Variants in MYH11 observed in about 807,000 individuals in gnomAD.
MYH11 encodes myosin-11.
Under a neutral mutation model 246.6 loss-of-function variants are expected in MYH11, and 80 were observed. The observed-to-expected ratio is 0.32, with a 90% CI of 0.27 to 0.39. MYH11 has a LOEUF of 0.39. Among genes scored for constraint, MYH11 ranks in the 10% least tolerant of loss-of-function variants. MYH11 has a pLI of 1.00. For synonymous variants in MYH11, 1,071 were observed against 1,015.5 expected (o/e 1.05, Z -1.04); for missense variants, 2,158 against 2,546.8 (o/e 0.85, Z 3.29).
rs1567724489 is a variant in MYH11 at position 15,748,038 on chromosome 16, G to C, written c.2180+9C>G. 1 of 1,614,202 alleles carries C rather than the reference G, an allele frequency of 6.2e-7. No homozygotes were observed. ...CCCTGCCCTACCTGGGCCAGACCTT[G>C]GGACTTACCGTTGGCGGAACTCCTG... On this transcript the variant is annotated intron_variant, in intron 17 of 40. Coordinates refer to ENST00000300036, the MANE Select transcript of MYH11 (RefSeq NM_002474.3).
chr16:15,847,919 G>T (rs1396576046), intron 1 of MYH11, among the ~76,000 whole-genome samples: 1 of 152,132 alleles, frequency 6.6e-6, no homozygotes, highest in Non-Finnish European at 1.5e-5. Context: ...GGCTGGGGTG[G>T]AGCTGCGGAG....
At chr16:15,786,152 C>T in intron 5 of MYH11, 1 of 324,834 alleles carries the variant, frequency 3.1e-6, no homozygotes, top group Non-Finnish European at 6.0e-6. Context: ...GCTTCTCAAT[C>T]AAGGGCAACT....
chr16:15,796,970 T>C (rs192454105), intron 4 of MYH11, among the ~76,000 whole-genome samples: 2 of 152,316 alleles, frequency 1.3e-5, no homozygotes, highest in Non-Finnish European at 2.9e-5. Context: ...TACCATGGAA[T>C]ATGAGAATTC....
chr16:15,727,018 C>G lies in MYH11; in HGVS notation c.3688G>C (p.Glu1230Gln), dbSNP rs141948303. The G allele has an allele frequency of 6.2e-7, 1 of 1,612,004 alleles. No individual in the cohort carries two copies. The highest frequency in any genetic ancestry group is 1.3e-5 in the African/African-American group (1 of 74,954). Reference sequence around the variant, plus strand: ...CCGGCCAGGTCTGCGTTCTCTTTCTCCAGCGTCTGCTTATTCTTGTCTAGG... The same window carrying G: ...CCGGCCAGGTCTGCGTTCTCTTTCTGCAGCGTCTGCTTATTCTTGTCTAGG... ...ANLDKNKQTL[E>Q]KENADLAGEL... Residue 1230 changes from glutamate to glutamine, a missense_variant, in exon 28 of 41, where the codon GAG (glutamate) becomes CAG (glutamine). Physicochemically the swap from Glu to Gln is conservative, Grantham distance 29. This residue lies in a region of MYH11 where 1,013 missense variants were observed against 993.5 expected (regional missense o/e 1.02). Coordinates refer to ENST00000300036, the MANE Select transcript of MYH11 (RefSeq NM_002474.3).
intron 1 of MYH11, among the ~76,000 whole-genome samples, chr16:15,853,155 C>CT (rs1006677870): frequency 6.6e-6 from 1 of 151,696 alleles, no homozygotes; most frequent in African/African-American, 2.4e-5. Context: ...TGCCCCTCAC[C>CT]TTTTTTTTGA....
intron 4 of MYH11, among the ~76,000 whole-genome samples, chr16:15,793,945 CTTT>C (rs61625627): frequency 2.8e-5 from 2 of 70,216 alleles, no homozygotes; most frequent in East Asian, 4.4e-4. Flanking sequence ...CTTTTCTTTT[CTTT>C]TTTTTTTTTT....
chr16:15,817,539 A>G (rs917286692), intron 3 of MYH11, among the ~76,000 whole-genome samples: 2 of 152,210 alleles, frequency 1.3e-5, no homozygotes, highest in South Asian at 2.1e-4. Context: ...AATTTAAAAA[A>G]TAAACATGAC....
intron 26 of MYH11, among the ~76,000 whole-genome samples, chr16:15,733,337 G>A (rs1039824529): frequency 3.9e-5 from 6 of 152,140 alleles, no homozygotes; most frequent in African/African-American, 7.2e-5. Context: ...GGGTTCAAGC[G>A]ATTCTCCTGC....
intron 4 of MYH11, among the ~76,000 whole-genome samples, chr16:15,789,170 T>C (rs547812854): frequency 1.1e-4 from 17 of 152,288 alleles, no homozygotes; most frequent in African/African-American, 3.8e-4. Context: ...ACAGTCAGAA[T>C]GGAAAGTCAG....
chr16:15,796,008 T>C (rs1391572085), intron 4 of MYH11, among the ~76,000 whole-genome samples: 1 of 152,114 alleles, frequency 6.6e-6, no homozygotes, highest in Non-Finnish European at 1.5e-5. Context: ...ATAATGTATA[T>C]TTATTAAAGG....
intron 2 of MYH11, among the ~76,000 whole-genome samples, chr16:15,833,372 G>A (rs1394922240): frequency 7.5e-6 from 1 of 133,892 alleles, no homozygotes; most frequent in African/African-American, 2.7e-5. Context: ...AAAGAGAGAG[G>A]GAGGGAGGGA....
chr16:15,821,270 A>C (rs2151356983), intron 3 of MYH11, among the ~76,000 whole-genome samples: 1 of 152,280 alleles, frequency 6.6e-6, no homozygotes, highest in African/African-American at 2.4e-5. Context: ...CTCTGTTTTA[A>C]GTGATCTTTT....
Position 15,756,507 on chromosome 16 carries a change from G to T in MYH11, c.1583C>A (p.Pro528His). ...GTCCAGCAGGGCCAGCACACCTGGA[G>T]GGTTGTTCTGTGGGAGACAAGTAGG... ...CIELIERPNN[P>H]PGVLALLDEE... Residue 528 changes from proline (P) to histidine (H), a missense_variant, in exon 14 of 41, where the codon CCT (proline) becomes CAT (histidine). Pro to His is a moderately conservative substitution (Grantham distance 77, BLOSUM62 -2). Transcript: ENST00000300036. The T allele has an allele frequency of 6.2e-7, 1 of 1,614,130 alleles. No homozygotes were observed.
At chr16:15,814,181 G>C (rs922107128) in intron 3 of MYH11, among the ~76,000 whole-genome samples, 2 of 151,698 alleles carry the variant, frequency 1.3e-5, no homozygotes, top group Non-Finnish European at 2.9e-5. Context: ...AAATACATGA[G>C]GCAGTTTAAA....
intron 4 of MYH11, among the ~76,000 whole-genome samples, chr16:15,794,950 G>A (rs188562016): frequency 1.1e-4 from 17 of 152,296 alleles, no homozygotes; most frequent in Admixed American, 3.3e-4. Flanking sequence ...TATTCTCATG[G>A]GTGCAGGAAA....
At chr16:15,825,624 A>ATGGTAAAT (rs1429733818) in intron 2 of MYH11, among the ~76,000 whole-genome samples, 1 of 152,132 alleles carries the variant, frequency 6.6e-6, no homozygotes, top group East Asian at 1.9e-4. Flanking sequence ...AATGTTTAAA[A>ATGGTAAAT]TGGTAAATTT....
chr16:15,837,804 G>A (rs569878191), intron 2 of MYH11, 104 bp downstream of exon 2: 155 of 1,066,318 alleles, frequency 1.5e-4, no homozygotes, highest in Admixed American at 2.4e-4. Flanking sequence ...CAAAGTGCTG[G>A]GAGTACAGGC....
chr16:15,854,010 G>A (rs534571896), intron 1 of MYH11, among the ~76,000 whole-genome samples: 14 of 152,204 alleles, frequency 9.2e-5, no homozygotes, highest in African/African-American at 1.2e-4. Context: ...CAGCCTGGGC[G>A]ACAGAGCAAG....
At chr16:15,780,993 A>T (rs1224623379) in intron 6 of MYH11, among the ~76,000 whole-genome samples, 1 of 152,150 alleles carries the variant, frequency 6.6e-6, no homozygotes, top group Non-Finnish European at 1.5e-5. Flanking sequence ...GTCGCCGTGG[A>T]TAGACCTAAG....
Sources: gnomAD v4.1 joint callset for allele counts (sites outside exome capture counted in the v4.1 genomes callset) on GRCh38, gnomAD v4.1.1 for gene constraint, gnomAD v4.1.1 regional missense constraint, MANE v1.5 for transcripts, NCBI Gene and HGNC (gene_info 2026-07-23, HGNC 2026-07-21) for gene names.